The following LTO1 variants were observed in gnomAD, a reference collection of about 807,000 sequenced individuals.
LTO1 encodes protein LTO1 homolog.
Under a neutral mutation model 19.8 loss-of-function variants are expected in LTO1, and 18 were observed. That is an observed-to-expected ratio of 0.91 (90% CI 0.63 to 1.35). The LOEUF (loss-of-function observed/expected upper bound fraction) is 1.35. Among genes scored for constraint, LTO1 ranks in the 40% most tolerant of loss-of-function variants. The pLI, the probability that LTO1 is intolerant of heterozygous loss-of-function variation, is 0.00. For missense variants in LTO1, 175 were observed against 167.9 expected, an observed-to-expected ratio of 1.04 and a Z score of -0.23; for synonymous variants, 59 against 59.6, an observed-to-expected ratio of 0.99 and a Z score of 0.05.
rs1223084090 is a variant in LTO1 at position 69,675,253 on chromosome 11, C to A, written c.-14G>T. The A allele has an allele frequency of 6.7e-7, 1 of 1,487,188 alleles. No individual in the cohort carries two copies. Among genetic ancestry groups the A allele is most frequent in the South Asian group, 1.4e-5 (1 of 71,870 alleles). 92.1% of individuals were successfully genotyped at this position (1,487,188 alleles called of 1,614,324 possible). On this transcript the variant is annotated 5_prime_UTR_variant, in exon 1 of 5. Transcript: ENST00000279147. ...ACTGCCAGCCATAGCGGCAAGCAGC[C>A]CGCCCTTGGCCCCCGGGTTTCTGCA...
At chr11:69,670,282 A>G (rs1190408485) in intron 3 of LTO1, among the ~76,000 whole-genome samples, 1 of 152,242 alleles carries the variant, frequency 6.6e-6, no homozygotes, top group African/African-American at 2.4e-5. Context: ...CCACTGGCAC[A>G]CAGCGGAGCA....
intron 1 of LTO1, chr11:69,674,916 G>C (rs781188352): frequency 4.4e-6 from 3 of 680,686 alleles, no homozygotes; most frequent in South Asian, 1.5e-5. Context: ...CGGAGGAGGG[G>C]AACCACCAGG....
intron 3 of LTO1, 166 bp downstream of exon 3, chr11:69,671,583 A>G (rs1293516442): frequency 1.0e-5 from 6 of 592,582 alleles, no homozygotes; most frequent in South Asian, 1.0e-4. Flanking sequence ...CTTTCTATTT[A>G]GTATTTCCGT....
rs1212842670 is a variant in LTO1 at position 69,673,338 on chromosome 11, T to C, written c.51-17A>G. 6.0e-6 allele frequency: 9 copies of C among 1,489,868 alleles called. No individual in the cohort carries two copies. The highest frequency in any genetic ancestry group is 2.3e-5 in the South Asian group (2 of 88,492). 92.3% of individuals were successfully genotyped at this position (1,489,868 alleles called of 1,614,324 possible). A position where few individuals can be genotyped will look rare whatever the true frequency, so the allele number is the denominator to read the frequency against. On this transcript the variant is annotated splice_polypyrimidine_tract_variant and intron_variant, in intron 1 of 4. Transcript: ENST00000279147. ...CCATGAAACCTGTGAAGAAGAAGCA[T>C]GCTTCATCAAATCAACAGGAGAAAG...
rs1565078208 is a variant in LTO1, at chr11:69,667,324, G to A, written c.*195C>T. 1 of 595,556 alleles carries A rather than the reference G, an allele frequency of 1.7e-6. No homozygotes were observed. Among genetic ancestry groups the A allele is most frequent in the Non-Finnish European group, 3.0e-6 (1 of 334,530 alleles). 36.9% of individuals were successfully genotyped at this position (595,556 alleles called of 1,614,324 possible). A position where few individuals can be genotyped will look rare whatever the true frequency, so the allele number is the denominator to read the frequency against. ...CAGCCCAACAAAGGGCATGTGTGGCGAGGCCCCAAGACGGGCACCAAGGTG... is the reference window on the plus strand; with the variant it reads ...CAGCCCAACAAAGGGCATGTGTGGCAAGGCCCCAAGACGGGCACCAAGGTG... On this transcript the variant is annotated 3_prime_UTR_variant, in exon 5 of 5. Coordinates refer to ENST00000279147, the MANE Select transcript of LTO1 (RefSeq NM_153451.3).
chr11:69,672,097 T>C (rs955374080), intron 2 of LTO1: 6 of 412,862 alleles, frequency 1.5e-5, no homozygotes, highest in South Asian at 2.3e-5. Flanking sequence ...ACCAACAGAA[T>C]GTGGAGGAAC....
At chr11:69,668,150 C>A in intron 3 of LTO1, 138 bp from the exon 4 acceptor site, 2 of 655,554 alleles carry the variant, frequency 3.1e-6, no homozygotes, top group Non-Finnish European at 5.5e-6. Flanking sequence ...TGATTATTTT[C>A]TCATTACACG....
intron 3 of LTO1, among the ~76,000 whole-genome samples, chr11:69,669,070 GCA>G (rs1429731363): frequency 2.6e-5 from 4 of 151,044 alleles, no homozygotes; most frequent in Admixed American, 2.6e-4. Context: ...TTGGACTCCA[GCA>G]CAGAGTAGGT....
rs559018679 is a variant in LTO1 at position 69,666,372 on chromosome 11, G to A, written c.*1147C>T. On this transcript the variant is annotated 3_prime_UTR_variant, in exon 5 of 5. Transcript: ENST00000279147. ...TTCGGACATGCTTTCTGGAACAGGA[G>A]GGGTGTGGAGAGCCAGCGTGTGGGG... 6 of 152,370 alleles carry A rather than the reference G, an allele frequency of 3.9e-5. No individual in the cohort carries two copies. The highest frequency in any genetic ancestry group is 8.8e-5 in the Non-Finnish European group (6 of 68,086). 9.4% of individuals were successfully genotyped at this position (152,370 alleles called of 1,614,324 possible).
intron 3 of LTO1, 22 bp from the exon 4 acceptor site, chr11:69,668,034 ACT>A (rs1856059640): frequency 8.6e-7 from 1 of 1,165,898 alleles, no homozygotes; most frequent in Admixed American, 1.7e-5. Context: ...AGAAATACAG[ACT>A]CTCAGTCATG....
At chr11:69,674,615 G>T (rs1042012103) in intron 1 of LTO1, 16 of 372,924 alleles carry the variant, frequency 4.3e-5, no homozygotes, top group Non-Finnish European at 7.9e-5. Context: ...CACAGCGCGA[G>T]CTAAATAAAC....
In LTO1 at chr11:69,673,254, G is replaced by A. The variant is rs909809965; in HGVS notation, c.118C>T (p.Gln40Ter). The A allele has an allele frequency of 5.0e-6, 8 of 1,613,334 alleles. No individual in the cohort carries two copies. Among genetic ancestry groups the A allele is most frequent in the Non-Finnish European group, 5.9e-6 (7 of 1,179,392 alleles). ...TTGGCTCCATGCAGCGTGCCATGCT[G>A]CCTTCCCTCCATCACACCCAAACTA... is the stretch of plus-strand genomic sequence containing the variant. ...GSSLGVMEGR[Q>*]HGTLHGAKIG... The change falls in exon 2 of 5, where the codon CAG (glutamine) becomes TAG (stop). Residue 40 changes from glutamine (Q) to a stop codon, truncating the protein, a stop_gained. Transcript: ENST00000279147. LOFTEE classifies it high-confidence loss of function.
intron 1 of LTO1, 200 bp from the exon 2 acceptor site, chr11:69,673,521 T>C (rs1436171665): frequency 3.5e-6 from 2 of 567,480 alleles, no homozygotes; most frequent in Non-Finnish European, 3.2e-6. Context: ...ACTGTACCTC[T>C]TGTAGCCCAG....
chr11:69,675,148 C>G (rs1856171678), intron 1 of LTO1, 42 bp downstream of exon 1: 2 of 1,578,078 alleles, frequency 1.3e-6, no homozygotes, highest in Non-Finnish European at 1.7e-6. Context: ...CGCTGGGAGA[C>G]GACCAGACAG....
At position 69,673,217 on chromosome 11, in the gene LTO1, T is replaced by G. The variant is rs141805876; in HGVS notation, c.155A>C (p.Glu52Ala). 33 of 1,583,418 alleles carry G rather than the reference T, an allele frequency of 2.1e-5. No homozygotes were observed. Among genetic ancestry groups the G allele is most frequent in the Non-Finnish European group, 2.7e-5 (31 of 1,152,046 alleles). Residue 52 changes from glutamate (E) to alanine (A), a missense_variant and splice_region_variant, in exon 2 of 5, where the codon GAG becomes GCG. Coordinates refer to ENST00000279147, the MANE Select transcript of LTO1 (RefSeq NM_153451.3). Reference sequence around the variant, plus strand: ...CTCCAGATGGGGGTTCCCACTTACCTCAGACCCGATTTTGGCTCCATGCAG... The same window carrying G: ...CTCCAGATGGGGGTTCCCACTTACCGCAGACCCGATTTTGGCTCCATGCAG... ...GTLHGAKIGS[E>A]IGCYQGFAFA...
intron 1 of LTO1, 62 bp from the exon 2 acceptor site, chr11:69,673,383 C>T (rs947382899): frequency 1.7e-5 from 19 of 1,144,434 alleles, no homozygotes; most frequent in Non-Finnish European, 2.1e-5. Context: ...TCCAGAAAAA[C>T]TTCTCTCTCT....
In LTO1 at chr11:69,665,721, G is replaced by A. The variant is rs1292373508; in HGVS notation, c.*1798C>T. The A allele has an allele frequency of 6.6e-6, 1 of 152,150 alleles. No individual in the cohort carries two copies. Among genetic ancestry groups the A allele is most frequent in the African/African-American group, 2.4e-5 (1 of 41,420 alleles). 9.4% of individuals were successfully genotyped at this position (152,150 alleles called of 1,614,324 possible). A position where few individuals can be genotyped will look rare whatever the true frequency, so the allele number is the denominator to read the frequency against. ...GAACGAGAGTCTTTCTGGCCCGAAG[G>A]CACCAGCTCTGATGAAGGCACAATG... On this transcript the variant is annotated 3_prime_UTR_variant, in exon 5 of 5. Coordinates refer to ENST00000279147, the MANE Select transcript of LTO1 (RefSeq NM_153451.3).
In LTO1 at chr11:69,673,243, C is replaced by G; in HGVS notation, c.129G>C (p.Thr43=). The change falls in exon 2 of 5, where the codon ACG becomes ACC. Residue 43 remains threonine, a synonymous_variant. Transcript: ENST00000279147. ...LGVMEGRQHG[T]LHGAKIGSEI... is the part of the protein sequence containing the mutation. ...CAGACCCGATTTTGGCTCCATGCAGCGTGCCATGCTGCCTTCCCTCCATCA... is the reference window on the plus strand; with the variant it reads ...CAGACCCGATTTTGGCTCCATGCAGGGTGCCATGCTGCCTTCCCTCCATCA... The G allele has an allele frequency of 6.2e-7, 1 of 1,611,970 alleles. No individual in the cohort carries two copies. Among genetic ancestry groups the G allele is most frequent in the Non-Finnish European group, 8.5e-7 (1 of 1,177,978 alleles).
chr11:69,670,482 A>G (rs1856095628), intron 3 of LTO1, among the ~76,000 whole-genome samples: 1 of 152,218 alleles, frequency 6.6e-6, no homozygotes, highest in African/African-American at 2.4e-5. Flanking sequence ...CCTGAGAACC[A>G]GGAGGAAAAT....
Sources: allele counts gnomAD v4.1 joint callset (sites outside exome capture counted in the v4.1 genomes callset), GRCh38; gene constraint gnomAD v4.1.1; transcripts MANE v1.5; gene names NCBI Gene and HGNC (gene_info 2026-07-23, HGNC 2026-07-21).